Variants in C1orf198 observed in about 807,000 individuals in gnomAD.
C1orf198 encodes uncharacterized protein C1orf198.
A neutral mutation model predicts 31.4 loss-of-function variants in C1orf198; 17 were observed. The ratio of observed to expected loss-of-function variants is 0.54; its 90% CI spans 0.37 to 0.81. The LOEUF (loss-of-function observed/expected upper bound fraction) is 0.81, where lower values mean the gene tolerates loss of function less well. Ranked by LOEUF, C1orf198 falls within the 40% of genes least tolerant of loss-of-function variation. C1orf198 has a pLI of 0.00. For synonymous variants in C1orf198, 175 were observed against 193.8 expected (o/e 0.90, Z 0.81); for missense variants, 401 against 450.3 (o/e 0.89, Z 0.99).
Position 230,857,330 on chromosome 1 carries a change from G to A in C1orf198, c.334-1612C>T, listed in dbSNP as rs535061946. Among the ~76,000 whole-genome samples the A allele has an allele frequency of 8.5e-5, 13 of 152,308 alleles. No individual in the cohort carries two copies. In the East Asian group the frequency reaches 1.4e-3, roughly 16 times the overall value. ...TGCCCGGAAGACTCAGCGACTGCCC[G>A]TAGCGGACGCTTACTCACTCTTTGA... On this transcript the variant is annotated intron_variant, in intron 1 of 3. Coordinates refer to ENST00000366663, the MANE Select transcript of C1orf198 (RefSeq NM_032800.3). This position sits in a 1 kb window ranked among gnomAD's most constrained non-coding sequence, Gnocchi z 4.2.
intron 2 of C1orf198, among the ~76,000 whole-genome samples, chr1:230,847,781 G>T (rs1213584794): frequency 6.6e-6 from 1 of 152,220 alleles, no homozygotes; most frequent in Non-Finnish European, 1.5e-5. Context: ...TGGCTCAGAA[G>T]TGGGGCCCAA....
chr1:230,841,686 TA>T (rs1669446846), intron 3 of C1orf198, among the ~76,000 whole-genome samples: 1 of 152,154 alleles, frequency 6.6e-6, no homozygotes, highest in Non-Finnish European at 1.5e-5. Context: ...GATGGGAATG[TA>T]AAATGACGCA....
intron 1 of C1orf198, 135 bp downstream of exon 1, chr1:230,868,045 A>ACCCCCCC: frequency 4.1e-6 from 3 of 732,396 alleles, no homozygotes; most frequent in Non-Finnish European, 5.7e-6. Context: ...CTCCCCTCCC[A>ACCCCCCC]CCCACTGCCA....
At chr1:230,849,522 CCAGCCAGGCCAGGGCTGGGCGT>C (rs1261426860) in intron 2 of C1orf198, among the ~76,000 whole-genome samples, 1 of 152,050 alleles carries the variant, frequency 6.6e-6, no homozygotes, top group African/African-American at 2.4e-5. Flanking sequence ...AGGACTCCCT[CCAGCCAGGCCAGGGCTGGGCGT>C]CAGTCACCCC....
intron 2 of C1orf198, among the ~76,000 whole-genome samples, chr1:230,846,953 A>C (rs967322930): frequency 6.6e-6 from 1 of 151,436 alleles, no homozygotes; most frequent in African/African-American, 2.4e-5. Context: ...AATACAAAAA[A>C]TTAGCCGGGC....
chr1:230,843,053 G>A lies in C1orf198; in HGVS notation c.927+301C>T, dbSNP rs371396579. Among the ~76,000 whole-genome samples, 1 of 152,258 alleles carries A rather than the reference G, an allele frequency of 6.6e-6. No individual in the cohort carries two copies. The highest frequency in any genetic ancestry group is 1.5e-5 in the Non-Finnish European group (1 of 68,042). On this transcript the variant is annotated intron_variant, in intron 3 of 3. Transcript: ENST00000366663. The surrounding 1 kb of genome is among the most constrained non-coding windows in gnomAD (Gnocchi z 4.9). ...GCTTTGAGCTGTGACAGCCCTGGGC[G>A]CAGCGCCTTCCAGGGGCCTCTTCTG...
chr1:230,864,570 C>T (rs923038734), intron 1 of C1orf198, among the ~76,000 whole-genome samples: 4 of 152,124 alleles, frequency 2.6e-5, no homozygotes, highest in Admixed American at 6.6e-5. Context: ...TGTCTGGCTC[C>T]GGGTTCTTTA....
Position 230,855,725 on chromosome 1 carries a change from T to TA in C1orf198, c.334-8dup. ...CATCTTGCCAAGTTAGATCCTGAAA[T>TA]AAAAAATCGAGAATAAGTCTGAAAT... On this transcript the variant is annotated splice_region_variant and splice_polypyrimidine_tract_variant and intron_variant, in intron 1 of 3. Coordinates refer to ENST00000366663, the MANE Select transcript of C1orf198 (RefSeq NM_032800.3). The TA allele has an allele frequency of 6.2e-7, 1 of 1,612,742 alleles. No homozygotes were observed. The highest frequency in any genetic ancestry group is 1.3e-5 in the African/African-American group (1 of 74,966).
chr1:230,844,289 T>G (rs890642083), intron 2 of C1orf198, among the ~76,000 whole-genome samples: 1 of 152,018 alleles, frequency 6.6e-6, no homozygotes, highest in African/African-American at 2.4e-5. Context: ...TCATGAGATC[T>G]GGTCGTTTAA....
At chr1:230,867,773 G>C (rs1261626700) in intron 1 of C1orf198, among the ~76,000 whole-genome samples, 1 of 152,200 alleles carries the variant, frequency 6.6e-6, no homozygotes, top group African/African-American at 2.4e-5. Flanking sequence ...TGGAAACTGA[G>C]GCTCTAAGAA....
chr1:230,854,632 C>T (rs1669829539), intron 2 of C1orf198, among the ~76,000 whole-genome samples: 1 of 152,222 alleles, frequency 6.6e-6, no homozygotes, highest in South Asian at 2.1e-4. Flanking sequence ...GCTCACTTCA[C>T]CCAGGGCAAT....
At chr1:230,850,695 G>A (rs1669717756) in intron 2 of C1orf198, among the ~76,000 whole-genome samples, 1 of 151,542 alleles carries the variant, frequency 6.6e-6, no homozygotes, top group African/African-American at 2.4e-5. Flanking sequence ...CAGGAGGGAG[G>A]GAGGGGACTG....
At position 230,840,809 on chromosome 1, in the gene C1orf198, G is replaced by A. The variant is rs760710050; in HGVS notation, c.928-901C>T. 2.6e-5 allele frequency among the ~76,000 whole-genome samples: 4 copies of A among 152,212 alleles called. No individual in the cohort carries two copies. Among genetic ancestry groups the A allele is most frequent in the African/African-American group, 9.7e-5 (4 of 41,450 alleles). ...GCTAATGGGCTTGCCCTTGACACCT[G>A]TCTCAGGCCCAGTTTGGCTACATGT... On this transcript the variant is annotated intron_variant, in intron 3 of 3. Coordinates refer to ENST00000366663, the MANE Select transcript of C1orf198 (RefSeq NM_032800.3). The surrounding 1 kb of genome is among the most constrained non-coding windows in gnomAD (Gnocchi z 4.0).
At position 230,840,895 on chromosome 1, in the gene C1orf198, T is replaced by C. The variant is rs1319986344; in HGVS notation, c.928-987A>G. ...GGAAGGAGTGCAATCCAGTTTTCCTTGTTCTGGTTTCCTTCCAGTTTCTTA... is the reference window on the plus strand; with the variant it reads ...GGAAGGAGTGCAATCCAGTTTTCCTCGTTCTGGTTTCCTTCCAGTTTCTTA... On this transcript the variant is annotated intron_variant, in intron 3 of 3. Coordinates refer to ENST00000366663, the MANE Select transcript of C1orf198 (RefSeq NM_032800.3). The surrounding 1 kb of genome is among the most constrained non-coding windows in gnomAD (Gnocchi z 4.0). Among the ~76,000 whole-genome samples the C allele has an allele frequency of 6.6e-6, 1 of 152,212 alleles. No homozygotes were observed. The highest frequency in any genetic ancestry group is 1.5e-5 in the Non-Finnish European group (1 of 68,034).
chr1:230,867,151 C>T (rs796561322), intron 1 of C1orf198, among the ~76,000 whole-genome samples: 13 of 152,338 alleles, frequency 8.5e-5, no homozygotes, highest in African/African-American at 2.9e-4. Context: ...ACAGCCTTAA[C>T]AGCGAGCGAT....
At chr1:230,860,084 A>T (rs1669974715) in intron 1 of C1orf198, among the ~76,000 whole-genome samples, 1 of 152,176 alleles carries the variant, frequency 6.6e-6, no homozygotes, top group Non-Finnish European at 1.5e-5. Context: ...GTTGTTAAAT[A>T]TCTTGTTTAA....
intron 1 of C1orf198, among the ~76,000 whole-genome samples, chr1:230,866,074 T>A (rs975529095): frequency 3.3e-5 from 5 of 152,192 alleles, no homozygotes; most frequent in African/African-American, 4.8e-5. Context: ...GGGGTACCTC[T>A]GTTCAGCAGC....
At chr1:230,842,698 T>C in intron 3 of C1orf198, among the ~76,000 whole-genome samples, 1 of 151,340 alleles carries the variant, frequency 6.6e-6, no homozygotes, top group Admixed American at 6.6e-5. Flanking sequence ...AAAGAACTTA[T>C]GTCACCAAAT....
At chr1:230,854,238 T>G (rs1329529263) in intron 2 of C1orf198, among the ~76,000 whole-genome samples, 1 of 152,200 alleles carries the variant, frequency 6.6e-6, no homozygotes, top group African/African-American at 2.4e-5. Context: ...GCTGCTCATT[T>G]CCAACACACA....
Sources: allele counts gnomAD v4.1 joint callset (sites outside exome capture counted in the v4.1 genomes callset), GRCh38; gene constraint gnomAD v4.1.1; non-coding constraint Gnocchi (gnomAD v3.1); transcripts MANE v1.5; gene names NCBI Gene and HGNC (gene_info 2026-07-23, HGNC 2026-07-21).